FYTTD1: variants seen among roughly 807,000 people sequenced by gnomAD.
The protein encoded by FYTTD1 is UAP56-interacting factor.
Under a neutral mutation model 40.9 loss-of-function variants are expected in FYTTD1, and 22 were observed. The observed-to-expected ratio is 0.54, with a 90% CI of 0.38 to 0.77. FYTTD1 has a LOEUF of 0.77. Ranked by LOEUF, FYTTD1 falls within the 30% of genes least tolerant of loss-of-function variation. FYTTD1 has a pLI of 0.00. For synonymous variants in FYTTD1, 140 were observed against 137.9 expected (o/e 1.01, Z -0.10); for missense variants, 351 against 392.2 (o/e 0.90, Z 0.89).
intron 2 of FYTTD1, among the ~76,000 whole-genome samples, chr3:197,762,936 G>A (rs1340069227): frequency 6.6e-6 from 1 of 151,932 alleles, no homozygotes; most frequent in Non-Finnish European, 1.5e-5. Context: ...GGAATAATCT[G>A]TACAGCAAAC....
chr3:197,750,775 A>G (rs1415988363), intron 1 of FYTTD1: 1 of 985,442 alleles, frequency 1.0e-6, no homozygotes, highest in East Asian at 1.1e-4. Flanking sequence ...GGGAGAAAGC[A>G]AACATCTTTG....
intron 2 of FYTTD1, among the ~76,000 whole-genome samples, chr3:197,758,195 C>T (rs1008929816): frequency 2.6e-5 from 4 of 152,228 alleles, no homozygotes; most frequent in Non-Finnish European, 4.4e-5. Flanking sequence ...GGATTACAGG[C>T]GTGAGCCACT....
rs1331837840 is a variant in FYTTD1 at position 197,785,598 on chromosome 3, G to T, written c.*3689G>T. 2 of 150,874 alleles carry T rather than the reference G, an allele frequency of 1.3e-5. No individual in the cohort carries two copies. The highest frequency in any genetic ancestry group is 3.9e-4 in the East Asian group (2 of 5,136). 9.3% of individuals were successfully genotyped at this position (150,874 alleles called of 1,614,324 possible). A position where few individuals can be genotyped will look rare whatever the true frequency, so the allele number is the denominator to read the frequency against. ...GCCCAGCAGGCCTCATTGCTCAGCA[G>T]TGAGTTTTTATTAGACTAGGTATGT... On this transcript the variant is annotated 3_prime_UTR_variant, in exon 9 of 9. Coordinates refer to ENST00000241502, the MANE Select transcript of FYTTD1 (RefSeq NM_032288.7).
chr3:197,780,560 TG>T (rs1193226881), intron 8 of FYTTD1, among the ~76,000 whole-genome samples: 1 of 151,876 alleles, frequency 6.6e-6, no homozygotes, highest in Non-Finnish European at 1.5e-5. Context: ...TTTTTTTTTT[TG>T]AGATGGAGTC....
In FYTTD1 at chr3:197,773,465, G is replaced by T. The variant is rs543312792; in HGVS notation, c.560G>T (p.Arg187Leu). 1.2e-6 allele frequency: 2 copies of T among 1,600,502 alleles called. No individual in the cohort carries two copies. Among genetic ancestry groups the T allele is most frequent in the Admixed American group, 1.7e-5 (1 of 59,162 alleles). ...AAATTAAATCATCAGAAAGATACTC[G>T]TCAGGCAACTTTTCTTTTCAGAAGA... Reference protein sequence around the residue: ...GNKLNHQKDTRQATFLFRRGL... With the variant: ...GNKLNHQKDTLQATFLFRRGL... Residue 187 changes from arginine to leucine, a missense_variant, in exon 5 of 9, where the codon CGT (arginine) becomes CTT (leucine). Coordinates refer to ENST00000241502, the MANE Select transcript of FYTTD1 (RefSeq NM_032288.7).
chr3:197,773,476 T>C lies in FYTTD1; in HGVS notation c.571T>C (p.Phe191Leu). 6.3e-7 allele frequency: 1 copy of C among 1,596,222 alleles called. No individual in the cohort carries two copies. The highest frequency in any genetic ancestry group is 8.6e-7 in the Non-Finnish European group (1 of 1,167,358). ...NHQKDTRQAT[F>L]LFRRGLKVQA... ...TCAGAAAGATACTCGTCAGGCAACT[T>C]TTCTTTTCAGAAGAGGCCTGAAGGT... Residue 191 changes from phenylalanine (F) to leucine (L), a missense_variant, in exon 5 of 9, where the codon TTT (phenylalanine) becomes CTT (leucine). Phe to Leu is a conservative substitution (Grantham distance 22, BLOSUM62 0). Transcript: ENST00000241502.
intron 8 of FYTTD1, among the ~76,000 whole-genome samples, 182 bp downstream of exon 8, chr3:197,778,646 C>T (rs902234881): frequency 3.3e-5 from 5 of 152,188 alleles, no homozygotes; most frequent in Admixed American, 2.0e-4. Flanking sequence ...TCAGCTCATA[C>T]GGTATACATT....
At position 197,774,184 on chromosome 3, in the gene FYTTD1, C is replaced by T. The variant is rs781106842; in HGVS notation, c.630C>T (p.Asp210=). The change falls in exon 6 of 9, where the codon GAC becomes GAT. Residue 210 remains aspartate (D), a synonymous_variant. Transcript: ENST00000241502. ...QAQLNTEQLL[D]DVVAKRTRQW... is the part of the protein sequence containing the mutation. ...AGTTGAATACAGAACAACTGCTAGACGATGTAGTAGCAAAGAGAACTCGTC... is the reference window on the plus strand; with the variant it reads ...AGTTGAATACAGAACAACTGCTAGATGATGTAGTAGCAAAGAGAACTCGTC... The T allele has an allele frequency of 2.5e-5, 41 of 1,613,900 alleles. No homozygotes were observed. In the East Asian group the frequency reaches 5.1e-4, roughly 20 times the overall value.
At chr3:197,761,059 G>C (rs1423161307) in intron 2 of FYTTD1, among the ~76,000 whole-genome samples, 1 of 148,562 alleles carries the variant, frequency 6.7e-6, no homozygotes, top group East Asian at 2.0e-4. Flanking sequence ...AGAATGTATA[G>C]AGTTGTTCCT....
chr3:197,749,871 G>A (rs1372853881), upstream of FYTTD1: 3 of 716,480 alleles, frequency 4.2e-6, no homozygotes, highest in African/African-American at 3.8e-5. Context: ...GCCGGCGCGT[G>A]CGCGCTCCCT....
At chr3:197,779,155 C>G (rs1473211614) in intron 8 of FYTTD1, among the ~76,000 whole-genome samples, 1 of 152,208 alleles carries the variant, frequency 6.6e-6, no homozygotes, top group Non-Finnish European at 1.5e-5. Flanking sequence ...TGGCTCACGC[C>G]TGTAATCCCA....
In FYTTD1 at chr3:197,778,382, T is replaced by C. The variant is rs760129588; in HGVS notation, c.776T>C (p.Leu259Ser). Residue 259 changes from leucine (L) to serine (S), a missense_variant, in exon 8 of 9, where the codon TTA (leucine) becomes TCA (serine). Coordinates refer to ENST00000241502, the MANE Select transcript of FYTTD1 (RefSeq NM_032288.7). Reference sequence around the variant, plus strand: ...ACTCGTACTGCTGTACCTTCATTTTTAACAAAGCGGGAGCAAAGTGACGTC... The same window carrying C: ...ACTCGTACTGCTGTACCTTCATTTTCAACAAAGCGGGAGCAAAGTGACGTC... ...RLTRTAVPSFLTKREQSDVKK... is the reference protein window; with the variant it reads ...RLTRTAVPSFSTKREQSDVKK... The C allele has an allele frequency of 6.2e-7, 1 of 1,612,478 alleles. No homozygotes were observed. Among genetic ancestry groups the C allele is most frequent in the South Asian group, 1.1e-5 (1 of 90,830 alleles).
At chr3:197,781,473 G>A (rs775633978) in intron 8 of FYTTD1, among the ~76,000 whole-genome samples, 5 of 151,538 alleles carry the variant, frequency 3.3e-5, no homozygotes, top group African/African-American at 4.8e-5. Flanking sequence ...TGAACTCACC[G>A]TAATTCAAGA....
intron 2 of FYTTD1, among the ~76,000 whole-genome samples, chr3:197,767,974 A>G (rs896770616): frequency 1.3e-5 from 2 of 152,220 alleles, no homozygotes; most frequent in Non-Finnish European, 2.9e-5. Context: ...TTCAATAAAG[A>G]TTGAGCACAT....
intron 4 of FYTTD1, among the ~76,000 whole-genome samples, chr3:197,770,570 G>A (rs1343926156): frequency 1.3e-5 from 2 of 152,158 alleles, no homozygotes; most frequent in African/African-American, 4.8e-5. Flanking sequence ...TTGAGACAGG[G>A]CTTCTCGATC....
intron 2 of FYTTD1, among the ~76,000 whole-genome samples, chr3:197,758,622 A>G (rs1178720493): frequency 4.6e-5 from 7 of 152,180 alleles, no homozygotes; most frequent in African/African-American, 2.4e-5. Flanking sequence ...GGATGTTATG[A>G]TCTGAGCCTT....
intron 1 of FYTTD1, chr3:197,755,744 T>C (rs1729195029): frequency 6.6e-7 from 1 of 1,509,378 alleles, no homozygotes; most frequent in Non-Finnish European, 9.0e-7. Context: ...CACCTCAGCC[T>C]CCCAAAGTGC....
chr3:197,749,611 G>C (rs1188454793), upstream of FYTTD1: 1 of 1,094,514 alleles, frequency 9.1e-7, no homozygotes, highest in Non-Finnish European at 1.2e-6. Flanking sequence ...GGACTCGAAG[G>C]ACACGGAGGA....
At position 197,765,075 on chromosome 3, in the gene FYTTD1, A is replaced by T. The variant is rs554115941; in HGVS notation, c.236-3364A>T. On this transcript the variant is annotated intron_variant, in intron 2 of 8. Coordinates refer to ENST00000241502, the MANE Select transcript of FYTTD1 (RefSeq NM_032288.7). Reference sequence around the variant, plus strand: ...ACCATGTTGGTCAGGCTGGTCTCGAACTCCTGACCTCAAATGATCCACCCG... The same window carrying T: ...ACCATGTTGGTCAGGCTGGTCTCGATCTCCTGACCTCAAATGATCCACCCG... 2.2e-3 allele frequency among the ~76,000 whole-genome samples: 327 copies of T among 151,994 alleles called. 4 individuals carry two copies. The highest frequency in any genetic ancestry group is 3.7e-3 in the Non-Finnish European group (254 of 67,958).
Sources: allele counts gnomAD v4.1 joint callset (sites outside exome capture counted in the v4.1 genomes callset), GRCh38; gene constraint gnomAD v4.1.1; transcripts MANE v1.5; gene names NCBI Gene and HGNC (gene_info 2026-07-23, HGNC 2026-07-21).